KCNJ6: variants seen among roughly 807,000 people sequenced by gnomAD.
The protein encoded by KCNJ6 is G protein-activated inward rectifier potassium channel 2.
A neutral mutation model predicts 34.2 loss-of-function variants in KCNJ6; 9 were observed. The observed-to-expected ratio is 0.26, with a 90% CI of 0.16 to 0.46. The LOEUF (loss-of-function observed/expected upper bound fraction) is 0.46. KCNJ6 is among the 20% of genes least tolerant of loss of function. The pLI is 1.00. For synonymous variants in KCNJ6, 196 were observed against 207.1 expected (o/e 0.95, Z 0.46); for missense variants, 236 against 531.3 (o/e 0.44, Z 5.46).
At chr21:37,691,014 C>T in intron 3 of KCNJ6, among the ~76,000 whole-genome samples, 1 of 152,164 alleles carries the variant, frequency 6.6e-6, no homozygotes, top group East Asian at 1.9e-4. Context: ...AACTCCCAAC[C>T]TCGTGATCCA....
intron 2 of KCNJ6, among the ~76,000 whole-genome samples, chr21:37,793,503 G>A (rs778988236): frequency 1.5e-5 from 2 of 134,166 alleles, no homozygotes; most frequent in African/African-American, 2.9e-5. Context: ...CCAAGATAGC[G>A]CCACTGCAGT....
chr21:37,837,123 AT>A (rs1222102425), intron 2 of KCNJ6, among the ~76,000 whole-genome samples: 1 of 151,396 alleles, frequency 6.6e-6, no homozygotes, highest in Non-Finnish European at 1.5e-5. Context: ...CCGTACATAT[AT>A]TTTCTCTATG....
chr21:37,832,711 G>GGGGGC (rs1288937828), intron 2 of KCNJ6, among the ~76,000 whole-genome samples: 3 of 152,118 alleles, frequency 2.0e-5, no homozygotes, highest in African/African-American at 4.8e-5. Flanking sequence ...GTATCTGGTG[G>GGGGGC]GGGGCGGGGA....
At chr21:37,762,055 C>T (rs1226946277) in intron 2 of KCNJ6, among the ~76,000 whole-genome samples, 3 of 152,160 alleles carry the variant, frequency 2.0e-5, no homozygotes, top group Non-Finnish European at 4.4e-5. Flanking sequence ...ACAGGGGTGT[C>T]TGTCAGCTGT....
chr21:37,742,548 A>T (rs1239838124), intron 2 of KCNJ6, among the ~76,000 whole-genome samples: 1 of 152,222 alleles, frequency 6.6e-6, no homozygotes, highest in Admixed American at 6.5e-5. Context: ...CAGCAGAGGT[A>T]ACCATTGTTG....
chr21:37,814,884 G>A lies in KCNJ6; in HGVS notation c.25+25774C>T, dbSNP rs549864800. Among the ~76,000 whole-genome samples the A allele has an allele frequency of 6.0e-5, 8 of 132,360 alleles. No homozygotes were observed. The South Asian group carries it at 1.4e-3, about 24-fold the overall frequency. The allele number at this position is 132,360 out of a possible 152,430, so 86.8% of individuals were successfully genotyped here. On this transcript the variant is annotated intron_variant, in intron 2 of 3. Coordinates refer to ENST00000609713, the MANE Select transcript of KCNJ6 (RefSeq NM_002240.5). ...TGCACTCCAGCCTGGGTGACAGAGC[G>A]AGACTCTGTCTCAAAAAAAAAAAAA... is the stretch of plus-strand genomic sequence containing the variant.
chr21:37,750,442 C>A (rs2054989469), intron 2 of KCNJ6, among the ~76,000 whole-genome samples: 1 of 152,172 alleles, frequency 6.6e-6, no homozygotes, highest in Non-Finnish European at 1.5e-5. Flanking sequence ...ATATTTATTG[C>A]AGCACTATTC....
chr21:37,675,797 T>A lies in KCNJ6; in HGVS notation c.946+38414A>T, dbSNP rs2054562144. 1.3e-5 allele frequency among the ~76,000 whole-genome samples: 2 copies of A among 149,794 alleles called. No individual in the cohort carries two copies. Among genetic ancestry groups the A allele is most frequent in the Non-Finnish European group, 3.0e-5 (2 of 67,386 alleles). On this transcript the variant is annotated intron_variant, in intron 3 of 3. Transcript: ENST00000609713. This position sits in a 1 kb window ranked among gnomAD's most constrained non-coding sequence, Gnocchi z 4.2. The stretch of plus-strand genomic sequence containing the variant: ...AACAGTCCATCACTGTTACATTGAC[T>A]CCCAAATTCCTATGCTAGAGTTACC...
intron 1 of KCNJ6, among the ~76,000 whole-genome samples, chr21:37,842,791 G>T (rs940212345): frequency 6.6e-6 from 1 of 152,226 alleles, no homozygotes; most frequent in Admixed American, 6.5e-5. Flanking sequence ...ACCCCAGCGG[G>T]TTGTGACAAT....
chr21:37,709,300 T>C (rs1367243774), intron 3 of KCNJ6, among the ~76,000 whole-genome samples: 2 of 152,018 alleles, frequency 1.3e-5, no homozygotes, highest in African/African-American at 4.8e-5. Context: ...TCACCTGAGG[T>C]GGGGAGTTCC....
chr21:37,712,637 C>T (rs1340618833), intron 3 of KCNJ6, among the ~76,000 whole-genome samples: 3 of 54,086 alleles, frequency 5.5e-5, no homozygotes, highest in Admixed American at 2.0e-4. Flanking sequence ...TTCCCTCCCT[C>T]CTCCCCTTCT....
At chr21:37,876,272 T>A (rs1359475045) in intron 1 of KCNJ6, among the ~76,000 whole-genome samples, 1 of 152,172 alleles carries the variant, frequency 6.6e-6, no homozygotes, top group Non-Finnish European at 1.5e-5. Context: ...ACACCCATAA[T>A]ATTCCCATTT....
At chr21:37,640,127 T>C (rs1343945364) in intron 3 of KCNJ6, among the ~76,000 whole-genome samples, 2 of 152,248 alleles carry the variant, frequency 1.3e-5, no homozygotes, top group Non-Finnish European at 2.9e-5. Flanking sequence ...TCCCAGTCTT[T>C]TCCCATGGAA....
intron 2 of KCNJ6, among the ~76,000 whole-genome samples, chr21:37,811,935 A>T (rs535532028): frequency 6.6e-6 from 1 of 152,366 alleles, no homozygotes; most frequent in African/African-American, 2.4e-5. Flanking sequence ...TTTGGCAAAC[A>T]TAAAGCCATC....
intron 1 of KCNJ6, among the ~76,000 whole-genome samples, chr21:37,876,997 T>C (rs573419276): frequency 4.6e-5 from 7 of 152,214 alleles, no homozygotes; most frequent in Non-Finnish European, 1.0e-4. Flanking sequence ...AGAATAAACT[T>C]AACATTTTTA....
In KCNJ6 at chr21:37,622,985, C is replaced by G. The variant is rs2054294993; in HGVS notation, c.*2174G>C. On this transcript the variant is annotated 3_prime_UTR_variant, in exon 4 of 4. Coordinates refer to ENST00000609713, the MANE Select transcript of KCNJ6 (RefSeq NM_002240.5). ...GCCCTTCATTAGGCTGCAGAGAGGT[C>G]AAGCCATGGCTCCTCCCCGCAGCCT... 6.6e-6 allele frequency: 1 copy of G among 152,240 alleles called. No individual in the cohort carries two copies. The highest frequency in any genetic ancestry group is 2.4e-5 in the African/African-American group (1 of 41,462). 9.4% of individuals were successfully genotyped at this position (152,240 alleles called of 1,614,324 possible).
chr21:37,910,300 C>T (rs1195303412), intron 1 of KCNJ6, among the ~76,000 whole-genome samples: 2 of 152,118 alleles, frequency 1.3e-5, no homozygotes, highest in African/African-American at 4.8e-5. Flanking sequence ...CTCTTAATCA[C>T]GGAGCAACAC....
intron 3 of KCNJ6, among the ~76,000 whole-genome samples, chr21:37,688,739 T>C (rs1420394965): frequency 1.3e-5 from 2 of 152,220 alleles, no homozygotes; most frequent in Non-Finnish European, 2.9e-5. Flanking sequence ...TATTCACTTA[T>C]GAGACATGTC....
At chr21:37,860,660 C>T (rs1355255867) in intron 1 of KCNJ6, among the ~76,000 whole-genome samples, 2 of 152,156 alleles carry the variant, frequency 1.3e-5, no homozygotes, top group East Asian at 3.9e-4. Context: ...GACTTTCTTG[C>T]CCAGTCCTTC....
Sources: allele counts gnomAD v4.1 joint callset (sites outside exome capture counted in the v4.1 genomes callset), GRCh38; gene constraint gnomAD v4.1.1; non-coding constraint Gnocchi (gnomAD v3.1); transcripts MANE v1.5; gene names NCBI Gene and HGNC (gene_info 2026-07-23, HGNC 2026-07-21).